Variants in NTM observed in about 807,000 individuals in gnomAD.
The protein encoded by NTM is neurotrimin.
In NTM, 13 loss-of-function variants were observed where a neutral mutation model predicts 42.1. That is an observed-to-expected ratio of 0.31 (90% confidence interval 0.20 to 0.49). The LOEUF (loss-of-function observed/expected upper bound fraction) is 0.49, where lower values mean the gene tolerates loss of function less well. Ranked by LOEUF, NTM falls within the 20% of genes least tolerant of loss-of-function variation. The pLI is 0.99. For synonymous variants in NTM, 187 were observed against 179.2 expected, an observed-to-expected ratio of 1.04 and a Z score of -0.35; for missense variants, 373 against 452.8, an observed-to-expected ratio of 0.82 and a Z score of 1.60.
intron 1 of NTM, among the ~76,000 whole-genome samples, chr11:131,394,449 A>G (rs1313031632): frequency 6.6e-6 from 1 of 152,056 alleles, no homozygotes; most frequent in African/African-American, 2.4e-5. Context: ...AGAAGGAGAG[A>G]GGCTGGGTGC....
intron 2 of NTM, among the ~76,000 whole-genome samples, chr11:132,079,584 G>A (rs2058766425): frequency 6.6e-6 from 1 of 152,104 alleles, no homozygotes; most frequent in South Asian, 2.1e-4. Flanking sequence ...CTCTTTATGT[G>A]TCAAAATCTC....
chr11:131,482,706 T>A (rs550275351), intron 1 of NTM, among the ~76,000 whole-genome samples: 1 of 152,198 alleles, frequency 6.6e-6, no homozygotes, highest in Non-Finnish European at 1.5e-5. Flanking sequence ...GATTTCTACC[T>A]CATAAGCTAA....
chr11:132,334,621 G>C (rs991581955), intron 8 of NTM, among the ~76,000 whole-genome samples: 4 of 152,134 alleles, frequency 2.6e-5, no homozygotes, highest in Non-Finnish European at 5.9e-5. Flanking sequence ...GCAGCTGGAG[G>C]GTGGGTGAGT....
intron 4 of NTM, among the ~76,000 whole-genome samples, chr11:132,225,006 C>A (rs2085914938): frequency 6.6e-6 from 1 of 152,172 alleles, no homozygotes; most frequent in African/African-American, 2.4e-5. Context: ...TGTGGGTTAG[C>A]TCTCTTTTCT....
chr11:132,181,990 T>TATC (rs1488243885), intron 3 of NTM, among the ~76,000 whole-genome samples: 1 of 147,344 alleles, frequency 6.8e-6, no homozygotes, highest in African/African-American at 2.5e-5. Context: ...TTATTATTAT[T>TATC]ATTTTAATCT....
Position 131,655,181 on chromosome 11 carries a change from C to T in NTM, c.83-256383C>T, listed in dbSNP as rs78149904. Among the ~76,000 whole-genome samples the T allele has an allele frequency of 8.2e-3, 1,253 of 152,296 alleles. 19 individuals carry two copies. The highest frequency in any genetic ancestry group is 0.029 in the African/African-American group (1,203 of 41,568). ...ATTCTGAGGTGATGGGGTTGGGATA[C>T]GACTTGAGTATGCGGGTTTTTCAAG... On this transcript the variant is annotated intron_variant, in intron 1 of 8. Coordinates refer to ENST00000683400, the MANE Select transcript of NTM (RefSeq NM_001352005.2).
At chr11:132,236,663 G>A (rs946249547) in intron 4 of NTM, among the ~76,000 whole-genome samples, 4 of 152,198 alleles carry the variant, frequency 2.6e-5, no homozygotes, top group Non-Finnish European at 4.4e-5. Flanking sequence ...ATCAGAGGCA[G>A]GGAAACCATA....
chr11:131,706,711 T>C (rs2076624716), intron 1 of NTM, among the ~76,000 whole-genome samples: 1 of 151,986 alleles, frequency 6.6e-6, no homozygotes, highest in Admixed American at 6.6e-5. Flanking sequence ...ATGTAGAAAT[T>C]AAACAACCCA....
intron 1 of NTM, among the ~76,000 whole-genome samples, chr11:131,426,182 T>C (rs934866266): frequency 2.6e-5 from 4 of 152,208 alleles, no homozygotes; most frequent in Non-Finnish European, 5.9e-5. Flanking sequence ...TTCTCAACCT[T>C]GCTGAAGACT....
intron 4 of NTM, among the ~76,000 whole-genome samples, chr11:132,277,472 C>G (rs1359738259): frequency 1.3e-5 from 2 of 152,104 alleles, no homozygotes; most frequent in East Asian, 3.9e-4. Context: ...TACTTGATAC[C>G]TTTGCAGATT....
rs2081748403 is a variant in NTM, at chr11:132,204,993, G to A, written c.401-7029G>A. On this transcript the variant is annotated intron_variant, in intron 3 of 8. Transcript: ENST00000683400. ...CCAGGCTGTTCTCATAGGCCTTAGT[G>A]TCTCTGCACGTGGTCTGGAAGCCAG... Among the ~76,000 whole-genome samples the A allele has an allele frequency of 2.0e-5, 3 of 152,196 alleles. No homozygotes were observed. The South Asian group carries it at 6.2e-4, about 31-fold the overall frequency.
chr11:131,466,620 C>T (rs956395576), intron 1 of NTM, among the ~76,000 whole-genome samples: 1 of 152,160 alleles, frequency 6.6e-6, no homozygotes, highest in African/African-American at 2.4e-5. Flanking sequence ...TTATGCCGCA[C>T]AAGTTATATG....
chr11:131,669,995 G>A (rs995293750), intron 1 of NTM, among the ~76,000 whole-genome samples: 10 of 152,178 alleles, frequency 6.6e-5, no homozygotes, highest in East Asian at 1.9e-4. Context: ...CGATTGAAGC[G>A]GAGGCTGGGA....
At chr11:131,965,482 C>T (rs748615226) in intron 2 of NTM, among the ~76,000 whole-genome samples, 3 of 152,160 alleles carry the variant, frequency 2.0e-5, no homozygotes, top group Non-Finnish European at 4.4e-5. Context: ...GGCATCGGCA[C>T]ATTATTTTAA....
chr11:132,150,466 A>C (rs1381387938), intron 3 of NTM, among the ~76,000 whole-genome samples: 1 of 152,194 alleles, frequency 6.6e-6, no homozygotes, highest in East Asian at 1.9e-4. Context: ...AGGGGTTACC[A>C]TTATGGATCA....
intron 2 of NTM, among the ~76,000 whole-genome samples, chr11:131,948,706 G>A (rs1338421466): frequency 6.6e-6 from 1 of 152,168 alleles, no homozygotes; most frequent in East Asian, 1.9e-4. Flanking sequence ...TGGCAACATA[G>A]CAGAGGCGTC....
intron 4 of NTM, among the ~76,000 whole-genome samples, chr11:132,213,879 C>T (rs1311938811): frequency 4.3e-5 from 5 of 115,480 alleles, no homozygotes; most frequent in East Asian, 4.1e-4. Context: ...GGACTACAGG[C>T]GCCCGCCACT....
At chr11:132,199,768 T>G (rs1158531581) in intron 3 of NTM, among the ~76,000 whole-genome samples, 1 of 152,124 alleles carries the variant, frequency 6.6e-6, no homozygotes, top group East Asian at 1.9e-4. Flanking sequence ...CTAATGCATT[T>G]TGTTCTCCCA....
intron 1 of NTM, among the ~76,000 whole-genome samples, chr11:131,500,571 ATATATATTTTTTTTTT>A (rs200924592): frequency 0.19 from 16,153 of 85,284 alleles, 1,162 homozygotes; most frequent in Non-Finnish European, 0.22. Flanking sequence ...ATATATATAT[ATATATATTTTTTTTTT>A]TTTTTTTTGT....
Sources: gnomAD v4.1 joint callset for allele counts (sites outside exome capture counted in the v4.1 genomes callset) on GRCh38, gnomAD v4.1.1 for gene constraint, MANE v1.5 for transcripts, NCBI Gene and HGNC (gene_info 2026-07-23, HGNC 2026-07-21) for gene names.